ZFHX3: variants seen among roughly 807,000 people sequenced by gnomAD.
The protein encoded by ZFHX3 is zinc finger homeobox protein 3.
Under a neutral mutation model 279.1 loss-of-function variants are expected in ZFHX3, and 42 were observed. The ratio of observed to expected loss-of-function variants is 0.15; its 90% CI spans 0.12 to 0.19. The LOEUF is 0.19. ZFHX3 is among the 10% of genes least tolerant of loss of function. The pLI is 1.00. For missense variants in ZFHX3, 4,981 were observed against 4,754.0 expected, an observed-to-expected ratio of 1.05 and a Z score of -1.40; for synonymous variants, 2,293 against 1,957.8, an observed-to-expected ratio of 1.17 and a Z score of -4.52.
chr16:72,927,198 T>C (rs574003043), intron 3 of ZFHX3, among the ~76,000 whole-genome samples: 1 of 152,254 alleles, frequency 6.6e-6, no homozygotes, highest in Non-Finnish European at 1.5e-5. Flanking sequence ...TTGGTTAAAA[T>C]AAAATAATTT....
At chr16:73,014,371 G>GAACATGCATACGTAATATTCT (rs1964020405) in intron 1 of ZFHX3, 2 of 149,890 alleles carry the variant, frequency 1.3e-5, no homozygotes, top group African/African-American at 2.5e-5. Flanking sequence ...CTTTAGACAT[G>GAACATGCATACGTAATATTCT]AACATGCATA....
Position 73,537,658 on chromosome 16 carries a change from C to T in ZFHX3, c.-1546-81400G>A, listed in dbSNP as rs540029105. Among the ~76,000 whole-genome samples, 7 of 152,276 alleles carry T rather than the reference C, an allele frequency of 4.6e-5. No homozygotes were observed. The South Asian group carries it at 1.5e-3, about 32-fold the overall frequency. ...AGCAAATATAGAGGCTACAATTGTG[C>T]TTAATGGGAAGGCGAAGCCTGAGGA... On this transcript the variant is annotated intron_variant, in intron 2 of 17. Transcript: ENST00000641206.
intron 2 of ZFHX3, among the ~76,000 whole-genome samples, chr16:73,651,964 TA>T (rs571653382): frequency 1.1e-3 from 169 of 152,120 alleles, no homozygotes; most frequent in African/African-American, 4.0e-3. Flanking sequence ...ATAAAATACT[TA>T]AAAAATTAGA....
chr16:73,557,094 CAAAA>C (rs397766441), intron 2 of ZFHX3, among the ~76,000 whole-genome samples: 39 of 68,552 alleles, frequency 5.7e-4, no homozygotes, highest in Non-Finnish European at 7.2e-4. Context: ...GACTCCGTCT[CAAAA>C]AAAAAAAAAA....
At chr16:73,070,938 G>GCACA (rs768410525) in intron 8 of ZFHX3, among the ~76,000 whole-genome samples, 645 of 22,588 alleles carry the variant, frequency 0.029, 17 homozygotes, top group African/African-American at 0.047. Flanking sequence ...GCGCGCGCGC[G>GCACA]CACACACACA....
intron 2 of ZFHX3, among the ~76,000 whole-genome samples, chr16:73,651,471 A>G (rs1457079570): frequency 6.6e-6 from 1 of 151,998 alleles, no homozygotes; most frequent in Non-Finnish European, 1.5e-5. Context: ...AGCAACACAC[A>G]CTTGGAAACA....
At chr16:73,433,730 G>T (rs545998246) in intron 3 of ZFHX3, among the ~76,000 whole-genome samples, 1 of 152,276 alleles carries the variant, frequency 6.6e-6, no homozygotes, top group South Asian at 2.1e-4. Flanking sequence ...GCCTGTACTG[G>T]CAATGATGCT....
chr16:73,820,417 T>C (rs533537085), intron 1 of ZFHX3, among the ~76,000 whole-genome samples: 2 of 152,254 alleles, frequency 1.3e-5, no homozygotes, highest in South Asian at 4.1e-4. Context: ...TCCCTCTTTC[T>C]TGGAATGTCT....
At chr16:73,832,841 T>C (rs983072059) in intron 1 of ZFHX3, among the ~76,000 whole-genome samples, 1 of 152,238 alleles carries the variant, frequency 6.6e-6, no homozygotes, top group Non-Finnish European at 1.5e-5. Flanking sequence ...GAAATATTAC[T>C]AGATTTTTTT....
intron 3 of ZFHX3, among the ~76,000 whole-genome samples, chr16:73,417,695 G>A (rs2113225): frequency 0.025 from 3,741 of 151,618 alleles, 215 homozygotes; most frequent in African/African-American, 0.085. Flanking sequence ...GGCTGGGTGC[G>A]GTGGCTCACG....
chr16:73,552,030 TGA>T (rs900870267), intron 2 of ZFHX3, among the ~76,000 whole-genome samples: 2 of 151,588 alleles, frequency 1.3e-5, no homozygotes, highest in African/African-American at 2.4e-5. Flanking sequence ...TGTGTGTGTG[TGA>T]GAGAGAGAGA....
intron 1 of ZFHX3, among the ~76,000 whole-genome samples, chr16:73,876,944 T>C (rs60191342): frequency 0.04 from 6,025 of 151,974 alleles, 424 homozygotes; most frequent in African/African-American, 0.14. Context: ...TTAAATATTG[T>C]GAAGCCAATT....
intron 2 of ZFHX3, among the ~76,000 whole-genome samples, chr16:73,553,791 TC>T (rs147196103): frequency 0.019 from 2,867 of 152,156 alleles, 177 homozygotes; most frequent in Admixed American, 0.12. Context: ...GGAAGAAGGG[TC>T]TTTTCCTGCT....
intron 5 of ZFHX3, among the ~76,000 whole-genome samples, chr16:73,240,771 T>G (rs2013097294): frequency 6.6e-6 from 1 of 152,180 alleles, no homozygotes; most frequent in Admixed American, 6.5e-5. Flanking sequence ...GTAGGTGAAT[T>G]TGCAAATACG....
At chr16:73,191,295 G>A (rs1968026594) in intron 5 of ZFHX3, among the ~76,000 whole-genome samples, 1 of 152,142 alleles carries the variant, frequency 6.6e-6, no homozygotes, top group African/African-American at 2.4e-5. Flanking sequence ...AACGTTCCGT[G>A]GCTCCCCCCG....
intron 4 of ZFHX3, among the ~76,000 whole-genome samples, chr16:73,260,650 C>A (rs940994668): frequency 2.8e-5 from 4 of 145,136 alleles, no homozygotes; most frequent in African/African-American, 1.0e-4. Context: ...GGGTGCTAGG[C>A]ATGTTCTTTG....
At chr16:73,653,977 G>C (rs2052696604) in intron 2 of ZFHX3, among the ~76,000 whole-genome samples, 1 of 152,050 alleles carries the variant, frequency 6.6e-6, no homozygotes, top group Non-Finnish European at 1.5e-5. Flanking sequence ...GAGGTCAGGA[G>C]ATCAAGACCA....
intron 3 of ZFHX3, among the ~76,000 whole-genome samples, chr16:73,393,698 G>A (rs888460314): frequency 1.3e-5 from 2 of 152,088 alleles, no homozygotes; most frequent in Admixed American, 6.5e-5. Flanking sequence ...CAAAACGAGA[G>A]GACAATGGTT....
At chr16:72,821,825 G>T (rs1390818914) in intron 5 of ZFHX3, 1 of 152,220 alleles carries the variant, frequency 6.6e-6, no homozygotes, top group Non-Finnish European at 1.5e-5. Flanking sequence ...TAGTGAAAGC[G>T]CAAACATTTG....
Sources: gnomAD v4.1 joint callset for allele counts (sites outside exome capture counted in the v4.1 genomes callset) on GRCh38, gnomAD v4.1.1 for gene constraint, MANE v1.5 for transcripts, NCBI Gene and HGNC (gene_info 2026-07-23, HGNC 2026-07-21) for gene names.